The following NMI variants were observed in gnomAD, a reference collection of about 807,000 sequenced individuals.
NMI encodes the protein N-myc-interactor.
A neutral mutation model predicts 34.3 loss-of-function variants in NMI; 39 were observed. The ratio of observed to expected loss-of-function variants is 1.14; its 90% CI spans 0.88 to 1.49. The LOEUF is 1.49. Ranked by LOEUF, NMI falls within the 40% of genes most tolerant of loss-of-function variation. NMI has a pLI of 0.00. For missense variants in NMI, 339 were observed against 358.1 expected, an observed-to-expected ratio of 0.95 and a Z score of 0.43; for synonymous variants, 113 against 120.3, an observed-to-expected ratio of 0.94 and a Z score of 0.40.
chr2:151,274,397 C>T (rs1683248575), intron 6 of NMI, among the ~76,000 whole-genome samples: 1 of 146,624 alleles, frequency 6.8e-6, no homozygotes, highest in African/African-American at 2.5e-5. Context: ...TTTTAATGTG[C>T]CCAGAGAAAA....
chr2:151,285,541 CTG>C lies in NMI; in HGVS notation c.-6-2589_-6-2588del, dbSNP rs1286739068. 8.7e-5 allele frequency among the ~76,000 whole-genome samples: 13 copies of C among 149,332 alleles called. No individual in the cohort carries two copies. The East Asian group carries it at 2.6e-3, about 29-fold the overall frequency. On this transcript the variant is annotated intron_variant, in intron 1 of 7. Transcript: ENST00000243346. ...AGGCAGAGGTTGCAGTGAGTCAAGA[CTG>C]CGTCACAGCACTCCAGCCTGAGCGA... is the stretch of plus-strand genomic sequence containing the variant.
chr2:151,273,156 C>T (rs1437153764), intron 6 of NMI, among the ~76,000 whole-genome samples: 2 of 150,628 alleles, frequency 1.3e-5, no homozygotes. Flanking sequence ...TCAAATAGAC[C>T]AGCTTCAGTC....
At position 151,270,764 on chromosome 2, in the gene NMI, T is replaced by G; in HGVS notation, c.853A>C (p.Asn285His). Residue 285 changes from asparagine (N) to histidine (H), a missense_variant, in exon 8 of 8, where the codon AAT (asparagine) becomes CAT (histidine). By Grantham distance (68) the Asn-to-His change is moderately conservative (BLOSUM62 1). Transcript: ENST00000243346. ...ACCACATCTACTTCTCCACCTCCAT[T>G]CTTTGCCCGTTGAAAGTGAATGTTA... ...LINIHFQRAK[N>H]GGGEVDVVKC... 1 of 1,614,080 alleles carries G rather than the reference T, an allele frequency of 6.2e-7. No homozygotes were observed. Among genetic ancestry groups the G allele is most frequent in the Non-Finnish European group, 8.5e-7 (1 of 1,179,948 alleles).
chr2:151,282,836 T>C, intron 2 of NMI, 32 bp downstream of exon 2: 2 of 1,121,884 alleles, frequency 1.8e-6, no homozygotes, highest in Non-Finnish European at 2.6e-6. Context: ...TATAAAATAA[T>C]TTTTAATAAT....
At chr2:151,287,130 A>G (rs1683514210) in intron 1 of NMI, among the ~76,000 whole-genome samples, 1 of 152,138 alleles carries the variant, frequency 6.6e-6, no homozygotes, top group Non-Finnish European at 1.5e-5. Flanking sequence ...TCTTTTTTGT[A>G]GGAAATATAT....
chr2:151,275,677 A>G lies in NMI; in HGVS notation c.448-7T>C. ...TAGAAACTTCTACATAAACCTGGAA[A>G]ATGATTTGATGTTCAGAAATATGGA... is the stretch of plus-strand genomic sequence containing the variant. On this transcript the variant is annotated splice_region_variant and splice_polypyrimidine_tract_variant and intron_variant, in intron 5 of 7. Transcript: ENST00000243346. 6.2e-7 allele frequency: 1 copy of G among 1,613,758 alleles called. No homozygotes were observed. Among genetic ancestry groups the G allele is most frequent in the Non-Finnish European group, 8.5e-7 (1 of 1,179,648 alleles).
At chr2:151,285,835 T>G (rs1683486957) in intron 1 of NMI, among the ~76,000 whole-genome samples, 2 of 152,192 alleles carry the variant, frequency 1.3e-5, no homozygotes, top group East Asian at 1.9e-4. Flanking sequence ...CTGGGACATC[T>G]TATGATGCCA....
At position 151,278,756 on chromosome 2, in the gene NMI, C is replaced by T. The variant is rs117019253; in HGVS notation, c.340+72G>A. 4.0e-3 allele frequency: 4,590 copies of T among 1,143,288 alleles called. 100 individuals are homozygous for T. In the East Asian group the frequency reaches 0.058, roughly 15 times the overall value. The allele number at this position is 1,143,288 out of a possible 1,614,324, so 70.8% of individuals were successfully genotyped here. On this transcript the variant is annotated intron_variant, in intron 4 of 7. Transcript: ENST00000243346. ...AATAATATAAGTGAAGTAATATTAG[C>T]GAAGTAATAGCTAAATGTCTATGAA...
chr2:151,281,027 A>T (rs2105208588), intron 3 of NMI, among the ~76,000 whole-genome samples: 1 of 152,114 alleles, frequency 6.6e-6, no homozygotes, highest in African/African-American at 2.4e-5. Context: ...TTTAGTAGAG[A>T]CAGGGTTTCA....
chr2:151,279,033 T>C (rs1163217369), intron 3 of NMI, 43 bp from the exon 4 acceptor site: 1 of 1,326,356 alleles, frequency 7.5e-7, no homozygotes, highest in East Asian at 2.3e-5. Flanking sequence ...AGACGAGAAA[T>C]AACTTAAGTC....
chr2:151,284,333 G>T (rs1260437972), intron 1 of NMI, among the ~76,000 whole-genome samples: 1 of 151,666 alleles, frequency 6.6e-6, no homozygotes, highest in East Asian at 1.9e-4. Context: ...GTCTCACTTT[G>T]TTGCCCAGGC....
Position 151,278,917 on chromosome 2 carries a change from G to T in NMI, c.251C>A (p.Ser84Ter). ...VETPENDSQL[S>*]NISCSFQVSS... ...CACTTGAAACGAACAGGAGATATTT[G>T]ACAACTGGCTGTCATTCTCAGGAGT... The change falls in exon 4 of 8, where the codon TCA becomes TAA. Residue 84 changes from serine (S) to a stop codon, truncating the protein, a stop_gained. Coordinates refer to ENST00000243346, the MANE Select transcript of NMI (RefSeq NM_004688.3). LOFTEE classifies it high-confidence loss of function. 6.2e-7 allele frequency: 1 copy of T among 1,612,466 alleles called. No individual in the cohort carries two copies. The highest frequency in any genetic ancestry group is 8.5e-7 in the Non-Finnish European group (1 of 1,178,750).
At chr2:151,274,154 CCAACA>C (rs1238367471) in intron 6 of NMI, among the ~76,000 whole-genome samples, 51 of 151,484 alleles carry the variant, frequency 3.4e-4, no homozygotes, top group Non-Finnish European at 6.0e-4. Context: ...ACCAACCTGA[CCAACA>C]TGGTGAAACC....
intron 6 of NMI, among the ~76,000 whole-genome samples, chr2:151,273,538 T>A (rs1436202573): frequency 6.6e-6 from 1 of 152,204 alleles, no homozygotes; most frequent in Non-Finnish European, 1.5e-5. Flanking sequence ...TTTCGGTTTT[T>A]TTGAGACCGA....
At position 151,272,786 on chromosome 2, in the gene NMI, A is replaced by G. The variant is rs1487659483; in HGVS notation, c.635-1054T>C. Among the ~76,000 whole-genome samples, 6 of 152,148 alleles carry G rather than the reference A, an allele frequency of 3.9e-5. No individual in the cohort carries two copies. In the East Asian group the frequency reaches 7.7e-4, roughly 20 times the overall value. Reference sequence around the variant, plus strand: ...ATGAAATTCTGATACATACCACAACATGGATGGACCCTGATAACATTATGC... The same window carrying G: ...ATGAAATTCTGATACATACCACAACGTGGATGGACCCTGATAACATTATGC... On this transcript the variant is annotated intron_variant, in intron 6 of 7. Transcript: ENST00000243346.
Position 151,270,850 on chromosome 2 carries a change from G to C in NMI, c.767C>G (p.Thr256Arg), listed in dbSNP as rs1045060962. 1 of 1,613,360 alleles carries C rather than the reference G, an allele frequency of 6.2e-7. No homozygotes were observed. The highest frequency in any genetic ancestry group is 8.5e-7 in the Non-Finnish European group (1 of 1,179,482). ...GCCTTCCATTCCTGTCAGAAGCACT[G>C]TCCTCTTAGATGTTCCTGAAAATAT... The part of the protein sequence containing the change: ...YQIFSGTSKR[T>R]VLLTGMEGIQ... Residue 256 changes from threonine (T) to arginine (R), a missense_variant, in exon 8 of 8, where the codon ACA becomes AGA. Coordinates refer to ENST00000243346, the MANE Select transcript of NMI (RefSeq NM_004688.3).
chr2:151,272,681 A>G (rs910147877), intron 6 of NMI, among the ~76,000 whole-genome samples: 1 of 152,236 alleles, frequency 6.6e-6, no homozygotes, highest in African/African-American at 2.4e-5. Flanking sequence ...CCAAGCATCC[A>G]CCAACAGATG....
At chr2:151,283,734 A>G (rs747537859) in intron 1 of NMI, among the ~76,000 whole-genome samples, 10 of 152,190 alleles carry the variant, frequency 6.6e-5, no homozygotes, top group Non-Finnish European at 1.3e-4. Context: ...AGCTTTCACT[A>G]ACTCTCCTGC....
At chr2:151,272,044 G>T (rs1683197686) in intron 6 of NMI, among the ~76,000 whole-genome samples, 1 of 152,180 alleles carries the variant, frequency 6.6e-6, no homozygotes, top group East Asian at 1.9e-4. Context: ...GTCTTTTGCA[G>T]AAAGTAACCC....
Sources: gnomAD v4.1 joint callset for allele counts (sites outside exome capture counted in the v4.1 genomes callset) on GRCh38, gnomAD v4.1.1 for gene constraint, MANE v1.5 for transcripts, NCBI Gene and HGNC (gene_info 2026-07-23, HGNC 2026-07-21) for gene names.